Variants in FAM135B observed in about 807,000 individuals in gnomAD.
FAM135B encodes the protein family with sequence similarity 135 member B.
In FAM135B, 43 loss-of-function variants were observed where a neutral mutation model predicts 127.7. That is an observed-to-expected ratio of 0.34 (90% CI 0.26 to 0.43). FAM135B has a LOEUF of 0.43. FAM135B is among the 20% of genes least tolerant of loss of function. The pLI, the probability that FAM135B is intolerant of heterozygous loss-of-function variation, is 1.00. For synonymous variants in FAM135B, 670 were observed against 665.1 expected (o/e 1.01, Z -0.11); for missense variants, 1,558 against 1,725.6 (o/e 0.90, Z 1.72).
intron 11 of FAM135B, among the ~76,000 whole-genome samples, chr8:138,174,137 T>C (rs928161201): frequency 6.6e-6 from 1 of 152,126 alleles, no homozygotes; most frequent in South Asian, 2.1e-4. Context: ...TCCTATCCTA[T>C]CCTATTTCAT....
Position 138,177,850 on chromosome 8 carries a change from G to A in FAM135B, c.1030-430C>T, listed in dbSNP as rs560173933. Among the ~76,000 whole-genome samples, 5 of 152,346 alleles carry A rather than the reference G, an allele frequency of 3.3e-5. No individual in the cohort carries two copies. The East Asian group carries it at 5.8e-4, about 18-fold the overall frequency. The stretch of plus-strand genomic sequence containing the variant: ...TTTTGTCATCTTGTTCTAACTAGAT[G>A]TTGATCTAAATACCAGCATATTTAG... On this transcript the variant is annotated intron_variant, in intron 10 of 19. Transcript: ENST00000395297.
intron 3 of FAM135B, among the ~76,000 whole-genome samples, chr8:138,293,912 A>G (rs1825298792): frequency 6.6e-6 from 1 of 152,148 alleles, no homozygotes; most frequent in Non-Finnish European, 1.5e-5. Flanking sequence ...CCCAAACAGA[A>G]AGAAGTCATT....
chr8:138,226,259 A>G lies in FAM135B; in HGVS notation c.669+16683T>C, dbSNP rs138868305. Among the ~76,000 whole-genome samples the G allele has an allele frequency of 6.6e-5, 10 of 151,000 alleles. No homozygotes were observed. The East Asian group carries it at 1.8e-3, about 27-fold the overall frequency. On this transcript the variant is annotated intron_variant, in intron 7 of 19. Transcript: ENST00000395297. ...ATTAGTTTATGTTGAACACTATGGT[A>G]GGTCATGGAGACACCATGATGAACA...
rs139760380 is a variant in FAM135B, at chr8:138,429,688, T to G, written c.-19-61686A>C. Among the ~76,000 whole-genome samples the G allele has an allele frequency of 4.6e-5, 7 of 152,320 alleles. No individual in the cohort carries two copies. The East Asian group carries it at 1.4e-3, about 29-fold the overall frequency. On this transcript the variant is annotated intron_variant, in intron 1 of 19. Transcript: ENST00000395297. The stretch of plus-strand genomic sequence containing the variant: ...ATGATGACTGTGTTTTGTCTTAAGC[T>G]GGGTTAAAACACTAGCTTACAAGTA...
chr8:138,144,529 CA>C (rs1817495575), intron 15 of FAM135B: 1 of 152,010 alleles, frequency 6.6e-6, no homozygotes, highest in Non-Finnish European at 1.5e-5. Context: ...ATTATTTAAA[CA>C]AGTGGCTATA....
intron 8 of FAM135B, among the ~76,000 whole-genome samples, chr8:138,195,974 C>T (rs541747394): frequency 6.6e-6 from 1 of 152,292 alleles, no homozygotes; most frequent in South Asian, 2.1e-4. Flanking sequence ...CCCTTAGCAG[C>T]TTACGGTCCT....
At chr8:138,233,377 A>G (rs1820042049) in intron 7 of FAM135B, among the ~76,000 whole-genome samples, 1 of 152,212 alleles carries the variant, frequency 6.6e-6, no homozygotes, top group Admixed American at 6.5e-5. Context: ...ACTCATATAC[A>G]ACTGATCTTG....
At chr8:138,214,779 A>G (rs190623671) in intron 7 of FAM135B, among the ~76,000 whole-genome samples, 2 of 152,314 alleles carry the variant, frequency 1.3e-5, no homozygotes, top group South Asian at 2.1e-4. Flanking sequence ...AGAGGCATAA[A>G]GCAGTATGAA....
At chr8:138,373,668 G>A (rs1476836109) in intron 1 of FAM135B, among the ~76,000 whole-genome samples, 1 of 152,002 alleles carries the variant, frequency 6.6e-6, no homozygotes, top group Admixed American at 6.6e-5. Flanking sequence ...AAATATTGCT[G>A]AATTCTTTTT....
intron 1 of FAM135B, among the ~76,000 whole-genome samples, chr8:138,428,625 C>A (rs1259956800): frequency 6.6e-6 from 1 of 152,034 alleles, no homozygotes. Context: ...TGGCAGGAAG[C>A]AAACTTAGAA....
At chr8:138,327,525 G>T (rs55794818) in intron 2 of FAM135B, among the ~76,000 whole-genome samples, 11,359 of 152,192 alleles carry the variant, frequency 0.075, 841 homozygotes, top group East Asian at 0.27. Flanking sequence ...ATAGCATGAA[G>T]AGTGCAAACA....
chr8:138,203,879 T>TGAC (rs1185753006), intron 7 of FAM135B, among the ~76,000 whole-genome samples: 1 of 152,164 alleles, frequency 6.6e-6, no homozygotes, highest in East Asian at 1.9e-4. Flanking sequence ...TGGGAGACAG[T>TGAC]GACAGATCAT....
intron 1 of FAM135B, among the ~76,000 whole-genome samples, chr8:138,396,718 T>C (rs1260268500): frequency 6.6e-6 from 1 of 152,118 alleles, no homozygotes; most frequent in Non-Finnish European, 1.5e-5. Flanking sequence ...ATCTGTTCAC[T>C]TTACCTCGCT....
chr8:138,289,187 G>A (rs1024256961), intron 3 of FAM135B, among the ~76,000 whole-genome samples: 4 of 152,198 alleles, frequency 2.6e-5, no homozygotes. Context: ...AAAAGAGAGA[G>A]ATTCTTGCAG....
intron 13 of FAM135B, among the ~76,000 whole-genome samples, chr8:138,149,409 C>A (rs765997241): frequency 6.6e-6 from 1 of 152,140 alleles, no homozygotes; most frequent in Non-Finnish European, 1.5e-5. Context: ...CACTCCCAGC[C>A]TCCACAAATA....
intron 1 of FAM135B, among the ~76,000 whole-genome samples, chr8:138,434,545 A>G (rs988999642): frequency 5.9e-5 from 9 of 152,184 alleles, no homozygotes; most frequent in Non-Finnish European, 8.8e-5. Flanking sequence ...GTCAGACACC[A>G]AATTATATGC....
At chr8:138,215,461 G>C (rs1027394989) in intron 7 of FAM135B, among the ~76,000 whole-genome samples, 2 of 152,052 alleles carry the variant, frequency 1.3e-5, no homozygotes, top group Admixed American at 1.3e-4. Context: ...ATGATCCCTG[G>C]AAATAACTAT....
intron 1 of FAM135B, among the ~76,000 whole-genome samples, chr8:138,495,857 T>G (rs1329780648): frequency 6.6e-6 from 1 of 152,160 alleles, no homozygotes; most frequent in Non-Finnish European, 1.5e-5. Flanking sequence ...CTGGTTCAAA[T>G]GGACAACTGA....
intron 2 of FAM135B, among the ~76,000 whole-genome samples, chr8:138,356,833 C>A (rs1410311516): frequency 6.6e-6 from 1 of 152,180 alleles, no homozygotes; most frequent in African/African-American, 2.4e-5. Context: ...TTTATGAAAA[C>A]TCCTCTCACT....
Sources: gnomAD v4.1 joint callset for allele counts (sites outside exome capture counted in the v4.1 genomes callset) on GRCh38, gnomAD v4.1.1 for gene constraint, MANE v1.5 for transcripts, NCBI Gene and HGNC (gene_info 2026-07-23, HGNC 2026-07-21) for gene names.